MLIP: variants seen among roughly 807,000 people sequenced by gnomAD.
MLIP encodes muscular LMNA interacting protein.
In MLIP, 79 loss-of-function variants were observed where a neutral mutation model predicts 84.8. That is an observed-to-expected ratio of 0.93 (90% CI 0.78 to 1.12). The LOEUF (loss-of-function observed/expected upper bound fraction) is 1.12, where lower values mean the gene tolerates loss of function less well. Ranked by LOEUF, MLIP falls within the 50% of genes most tolerant of loss-of-function variation. The pLI, the probability that MLIP is intolerant of heterozygous loss-of-function variation, is 0.00. For missense variants in MLIP, 1,257 were observed against 1,160.6 expected, an observed-to-expected ratio of 1.08 and a Z score of -1.21; for synonymous variants, 504 against 463.0, an observed-to-expected ratio of 1.09 and a Z score of -1.14.
intron 3 of MLIP, 23 bp from the exon 4 acceptor site, chr6:54,136,692 C>T: frequency 7.0e-7 from 1 of 1,424,780 alleles, no homozygotes; most frequent in Non-Finnish European, 9.2e-7. Flanking sequence ...CTATTTCAAT[C>T]TGTCTATTTC....
At chr6:54,156,146 T>C (rs1774003517) in intron 5 of MLIP, among the ~76,000 whole-genome samples, 1 of 152,086 alleles carries the variant, frequency 6.6e-6, no homozygotes, top group African/African-American at 2.4e-5. Context: ...TTTTGGACGA[T>C]AGAAAAAGAA....
At chr6:54,235,901 C>T (rs900653598) in intron 12 of MLIP, among the ~76,000 whole-genome samples, 3 of 152,158 alleles carry the variant, frequency 2.0e-5, no homozygotes, top group Admixed American at 6.5e-5. Flanking sequence ...CCATATAATA[C>T]ATGGTTACAT....
upstream of MLIP, among the ~76,000 whole-genome samples, chr6:54,109,757 C>G (rs1769282853): frequency 6.6e-6 from 1 of 152,072 alleles, no homozygotes; most frequent in African/African-American, 2.4e-5. Flanking sequence ...GCTCCCAGGG[C>G]ATCTACTAGG....
intron 8 of MLIP, among the ~76,000 whole-genome samples, chr6:54,163,845 T>C (rs1562002391): frequency 6.6e-6 from 1 of 151,986 alleles, no homozygotes; most frequent in Admixed American, 6.6e-5. Context: ...TCAAGTTGTA[T>C]AAAGCAAGAT....
At chr6:54,226,727 G>A (rs188491938) in intron 11 of MLIP, among the ~76,000 whole-genome samples, 2,112 of 143,480 alleles carry the variant, frequency 0.015, 51 homozygotes, top group African/African-American at 0.06. Flanking sequence ...TTTACAGATA[G>A]ATAAGATAGT....
At chr6:54,084,107 T>C (rs1387876459) in intron 1 of MLIP, among the ~76,000 whole-genome samples, 1 of 152,216 alleles carries the variant, frequency 6.6e-6, no homozygotes, top group South Asian at 2.1e-4. Flanking sequence ...TTTGTGACTA[T>C]GAATTACAGA....
intron 10 of MLIP, among the ~76,000 whole-genome samples, chr6:54,197,539 T>A (rs941351729): frequency 3.9e-5 from 6 of 152,110 alleles, no homozygotes; most frequent in Admixed American, 3.3e-4. Flanking sequence ...CTCAGTACAT[T>A]CATGAATTGA....
chr6:54,098,528 A>C (rs1052480847), intron 1 of MLIP, among the ~76,000 whole-genome samples: 2 of 151,782 alleles, frequency 1.3e-5, no homozygotes, highest in African/African-American at 4.8e-5. Context: ...CCAGGGCAGG[A>C]TGGTGTCAGG....
At chr6:54,199,184 A>G (rs755180109) in intron 10 of MLIP, among the ~76,000 whole-genome samples, 116 of 152,110 alleles carry the variant, frequency 7.6e-4, no homozygotes, top group Non-Finnish European at 1.6e-3. Context: ...AGTTACAGAG[A>G]GGTGGATATT....
At chr6:54,082,551 G>A (rs184786478) in intron 1 of MLIP, among the ~76,000 whole-genome samples, 1 of 152,130 alleles carries the variant, frequency 6.6e-6, no homozygotes, top group East Asian at 1.9e-4. Flanking sequence ...CAAATCAGAC[G>A]ATGTATCCAT....
intron 1 of MLIP, chr6:54,047,088 T>C (rs1765104805): frequency 6.6e-6 from 1 of 152,222 alleles, no homozygotes; most frequent in Admixed American, 6.5e-5. Flanking sequence ...AATGATTTCT[T>C]TGAAGCTGTA....
At chr6:54,209,057 A>C (rs1779236835) in intron 11 of MLIP, among the ~76,000 whole-genome samples, 2 of 152,220 alleles carry the variant, frequency 1.3e-5, no homozygotes, top group South Asian at 4.1e-4. Context: ...TATTCTTTGA[A>C]TATGAATGCT....
At chr6:54,143,076 T>A (rs965191830) in intron 4 of MLIP, among the ~76,000 whole-genome samples, 1 of 152,200 alleles carries the variant, frequency 6.6e-6, no homozygotes, top group Non-Finnish European at 1.5e-5. Context: ...GCCTCTATAC[T>A]GACCAGTTCT....
intron 1 of MLIP, among the ~76,000 whole-genome samples, chr6:54,090,990 G>A (rs909193937): frequency 6.6e-5 from 10 of 151,924 alleles, no homozygotes; most frequent in Non-Finnish European, 1.2e-4. Context: ...TAATAATATC[G>A]ACATTTGGGC....
intron 1 of MLIP, among the ~76,000 whole-genome samples, chr6:54,028,450 G>A (rs1239644463): frequency 6.6e-6 from 1 of 152,118 alleles, no homozygotes; most frequent in African/African-American, 2.4e-5. Context: ...ATTTCTCTGG[G>A]GATATCATGT....
chr6:54,059,493 C>G (rs1427016864), intron 1 of MLIP, among the ~76,000 whole-genome samples: 1 of 151,958 alleles, frequency 6.6e-6, no homozygotes, highest in African/African-American at 2.4e-5. Flanking sequence ...GGGAAATATT[C>G]AATAAATAGG....
intron 3 of MLIP, among the ~76,000 whole-genome samples, chr6:54,129,356 A>G (rs1771188664): frequency 6.6e-6 from 1 of 152,116 alleles, no homozygotes; most frequent in East Asian, 1.9e-4. Context: ...TCTGCTTCCC[A>G]TCACCTAATA....
At chr6:54,020,077 TCTGA>T (rs977829747) in intron 1 of MLIP, among the ~76,000 whole-genome samples, 3 of 152,222 alleles carry the variant, frequency 2.0e-5, no homozygotes, top group African/African-American at 7.2e-5. Context: ...TATTTTCCTT[TCTGA>T]CTATTTGGAA....
chr6:54,194,401 T>C (rs1277749517), intron 10 of MLIP, among the ~76,000 whole-genome samples: 1 of 152,176 alleles, frequency 6.6e-6, no homozygotes, highest in East Asian at 1.9e-4. Context: ...AGTCATGCTA[T>C]CATCTTTTAT....
Sources: gnomAD v4.1 joint callset for allele counts (sites outside exome capture counted in the v4.1 genomes callset) on GRCh38, gnomAD v4.1.1 for gene constraint, MANE v1.5 for transcripts, NCBI Gene and HGNC (gene_info 2026-07-23, HGNC 2026-07-21) for gene names.